The following AP3B2 variants were observed in gnomAD, a reference collection of about 807,000 sequenced individuals.
AP3B2 encodes AP-3 complex subunit beta-2.
In AP3B2, 50 loss-of-function variants were observed where a neutral mutation model predicts 126.9. The ratio of observed to expected loss-of-function variants is 0.39; its 90% confidence interval spans 0.31 to 0.50. The LOEUF (loss-of-function observed/expected upper bound fraction) is 0.50, where lower values mean the gene tolerates loss of function less well. Among genes scored for constraint, AP3B2 ranks in the 20% least tolerant of loss-of-function variants. The pLI is 0.79. For missense variants in AP3B2, 1,177 were observed against 1,426.4 expected, an observed-to-expected ratio of 0.83 and a Z score of 2.82; for synonymous variants, 541 against 565.0, an observed-to-expected ratio of 0.96 and a Z score of 0.60.
rs1286076329 is a variant in AP3B2, at chr15:82,709,729, C to T, written c.-23G>A. 10 of 1,453,428 alleles carry T rather than the reference C, an allele frequency of 6.9e-6. No homozygotes were observed. The highest frequency in any genetic ancestry group is 1.3e-5 in the South Asian group (1 of 76,936). 90.0% of individuals were successfully genotyped at this position (1,453,428 alleles called of 1,614,324 possible). A position where few individuals can be genotyped will look rare whatever the true frequency, so the allele number is the denominator to read the frequency against. On this transcript the variant is annotated 5_prime_UTR_variant, in exon 1 of 27. Coordinates refer to ENST00000535359, the MANE Select transcript of AP3B2 (RefSeq NM_001278512.2). The stretch of plus-strand genomic sequence containing the variant: ...CATGGGGCGGCCAGGGAGACTTCGC[C>T]GAGGAGGAGGTTGCGGGGCCGGAGG...
chr15:82,663,127 C>T lies in AP3B2; in HGVS notation c.2604G>A (p.Ser868=), dbSNP rs150157675. ...LTLTDSTLVP[S]LLSPVSGVGR... ...CGGTCCCCTCCTCCATCCCACTCAC[C>T]GACGGTACCAGGGTGGAGTCTGTGA... is the stretch of plus-strand genomic sequence containing the variant. The change falls in exon 22 of 27, where the codon TCG becomes TCA. Residue 868 remains serine (S), a splice_region_variant and synonymous_variant. Coordinates refer to ENST00000535359, the MANE Select transcript of AP3B2 (RefSeq NM_001278512.2). 1.2e-5 allele frequency: 20 copies of T among 1,607,832 alleles called. No individual in the cohort carries two copies. Among genetic ancestry groups the T allele is most frequent in the African/African-American group, 2.7e-5 (2 of 74,890 alleles).
intron 1 of AP3B2, among the ~76,000 whole-genome samples, chr15:82,694,449 A>T (rs1458668416): frequency 6.6e-6 from 1 of 151,850 alleles, no homozygotes; most frequent in East Asian, 1.9e-4. Flanking sequence ...ACTTTGGGAG[A>T]CTGAGGCAGA....
intron 1 of AP3B2, chr15:82,692,126 G>A: frequency 1.3e-6 from 2 of 1,495,902 alleles, no homozygotes; most frequent in Non-Finnish European, 1.8e-6. Flanking sequence ...AAGTCCTGGA[G>A]AACTCCACAC....
rs768849982 is a variant in AP3B2 at position 82,681,421 on chromosome 15, T to C, written c.520A>G (p.Ser174Gly). The change falls in exon 5 of 27, where the codon AGT becomes GGT. Residue 174 changes from serine to glycine, a missense_variant and splice_region_variant. Ser to Gly is a moderately conservative substitution (Grantham distance 56). This residue lies in a region of AP3B2 where 130 missense variants were observed against 262.0 expected (regional missense o/e 0.50). Coordinates refer to ENST00000535359, the MANE Select transcript of AP3B2 (RefSeq NM_001278512.2). This position sits in a 1 kb window ranked among gnomAD's most constrained non-coding sequence, Gnocchi z 4.0. Reference sequence around the variant, plus strand: ...GCGTGGGACAGGGCTGGGGCATACCTGTAGAGTTTAGGGATGGCGTGGGCA... The same window carrying C: ...GCGTGGGACAGGGCTGGGGCATACCCGTAGAGTTTAGGGATGGCGTGGGCA... ...TAAHAIPKLY[S>G]LDSDQKDQLI... 6.2e-7 allele frequency: 1 copy of C among 1,613,674 alleles called. No homozygotes were observed. Among genetic ancestry groups the C allele is most frequent in the Non-Finnish European group, 8.5e-7 (1 of 1,179,734 alleles).
intron 14 of AP3B2, among the ~76,000 whole-genome samples, chr15:82,673,110 T>C (rs991090005): frequency 2.0e-5 from 3 of 152,242 alleles, no homozygotes; most frequent in Non-Finnish European, 4.4e-5. Flanking sequence ...AATAAACGTG[T>C]GTTGTTTGAA....
In AP3B2 at chr15:82,709,868, G is replaced by A; in HGVS notation, c.-162C>T. Reference sequence around the variant, plus strand: ...TGTGCAGCGGCGGAGGCTGCGCGCGGATTTCTCAATCAGGGCCGCGCGCTG... The same window carrying A: ...TGTGCAGCGGCGGAGGCTGCGCGCGAATTTCTCAATCAGGGCCGCGCGCTG... On this transcript the variant is annotated 5_prime_UTR_variant, in exon 1 of 27. Transcript: ENST00000535359. The A allele has an allele frequency of 3.9e-6, 2 of 506,488 alleles. No individual in the cohort carries two copies. The highest frequency in any genetic ancestry group is 7.2e-5 in the East Asian group (2 of 27,802). The allele number at this position is 506,488 out of a possible 1,614,324, so 31.4% of individuals were successfully genotyped here.
At position 82,659,839 on chromosome 15, in the gene AP3B2, T is replaced by C; in HGVS notation, c.3155+6A>G. The stretch of plus-strand genomic sequence containing the variant: ...CATCATTTCCCCTCTACTGGTGGCC[T>C]AGTACCTGTACTCATCAGATGTCCC... On this transcript the variant is annotated splice_donor_region_variant and intron_variant, in intron 26 of 26. Transcript: ENST00000535359. The C allele has an allele frequency of 6.2e-7, 1 of 1,613,860 alleles. No individual in the cohort carries two copies. The highest frequency in any genetic ancestry group is 1.1e-5 in the South Asian group (1 of 91,080).
intron 13 of AP3B2, 30 bp downstream of exon 13, chr15:82,677,244 T>A (rs1222930171): frequency 6.5e-7 from 1 of 1,531,380 alleles, no homozygotes; most frequent in East Asian, 2.3e-5. Context: ...GACCTTGAAG[T>A]GGGGAGTGAA....
In AP3B2 at chr15:82,681,192, C is replaced by A; in HGVS notation, c.522-14G>T. The stretch of plus-strand genomic sequence containing the variant: ...TCAGAGTCCAAACTGAGGGAGAAAT[C>A]GGTGAGGGGAATTTGCCACTCTCAG... On this transcript the variant is annotated splice_polypyrimidine_tract_variant and intron_variant, in intron 5 of 26. Transcript: ENST00000535359. The surrounding 1 kb of genome is among the most constrained non-coding windows in gnomAD (Gnocchi z 4.0). 11 of 1,607,020 alleles carry A rather than the reference C, an allele frequency of 6.8e-6. No individual in the cohort carries two copies. The highest frequency in any genetic ancestry group is 9.3e-6 in the Non-Finnish European group (11 of 1,176,790).
chr15:82,664,485 C>G lies in AP3B2; in HGVS notation c.2143G>C (p.Glu715Gln). 1 of 1,613,198 alleles carries G rather than the reference C, an allele frequency of 6.2e-7. No homozygotes were observed. Among genetic ancestry groups the G allele is most frequent in the Non-Finnish European group, 8.5e-7 (1 of 1,179,564 alleles). Residue 715 changes from glutamate to glutamine, a missense_variant, in exon 19 of 27, where the codon GAG becomes CAG. Physicochemically the swap from Glu to Gln is conservative, Grantham distance 29. Around this residue, in one of 5 missense-constraint regions of AP3B2, gnomAD observed 587 missense variants for 571.3 expected, o/e 1.03. Coordinates refer to ENST00000535359, the MANE Select transcript of AP3B2 (RefSeq NM_001278512.2). The surrounding 1 kb of genome is among the most constrained non-coding windows in gnomAD (Gnocchi z 4.5). ...TTACTGTCCGATTCACTCTCAGACTCAGGGTCTGTGGAGGAACAATATGAG... is the reference window on the plus strand; with the variant it reads ...TTACTGTCCGATTCACTCTCAGACTGAGGGTCTGTGGAGGAACAATATGAG... ...GPTESADSDP[E>Q]SESESDSKSS...
chr15:82,670,649 GA>G (rs1457074067), intron 14 of AP3B2, among the ~76,000 whole-genome samples: 1 of 152,186 alleles, frequency 6.6e-6, no homozygotes, highest in Non-Finnish European at 1.5e-5. Context: ...ACTGGGCAAA[GA>G]TTTCTTGAGT....
chr15:82,681,117 T>C lies in AP3B2; in HGVS notation c.583A>G (p.Thr195Ala), dbSNP rs1235430462. 1.9e-6 allele frequency: 3 copies of C among 1,613,474 alleles called. No individual in the cohort carries two copies. The highest frequency in any genetic ancestry group is 2.2e-5 in the South Asian group (2 of 91,008). The change falls in exon 6 of 27, where the codon ACC becomes GCC. Residue 195 changes from threonine to alanine, a missense_variant. This residue lies in a region of AP3B2 where 130 missense variants were observed against 262.0 expected (regional missense o/e 0.50). Coordinates refer to ENST00000535359, the MANE Select transcript of AP3B2 (RefSeq NM_001278512.2). The surrounding 1 kb of genome is among the most constrained non-coding windows in gnomAD (Gnocchi z 4.0). Reference sequence around the variant, plus strand: ...GAGCGCCCCTATACACGCACCGTGGTCTTGTCAGCCAGAAGCTTCTCAATG... The same window carrying C: ...GAGCGCCCCTATACACGCACCGTGGCCTTGTCAGCCAGAAGCTTCTCAATG... ...EVIEKLLADK[T>A]TLVAGSVVMA...
intron 14 of AP3B2, among the ~76,000 whole-genome samples, chr15:82,670,096 G>T: frequency 1.2e-5 from 1 of 84,562 alleles, no homozygotes; most frequent in African/African-American, 4.1e-5. Flanking sequence ...AAAAAAATCA[G>T]TGGCTTTTTT....
chr15:82,683,047 G>GTTTTTTTTTTTTTTTTTT (rs61213011), intron 4 of AP3B2, among the ~76,000 whole-genome samples: 7 of 77,726 alleles, frequency 9.0e-5, no homozygotes, highest in Admixed American at 1.8e-4. Context: ...TGCACCAGGA[G>GTTTTTTTTTTTTTTTTTT]TTTTTTTTTT....
chr15:82,686,523 CAA>C (rs1488402897), intron 4 of AP3B2: 1 of 152,152 alleles, frequency 6.6e-6, no homozygotes, highest in African/African-American at 2.4e-5. Context: ...GAATGATAAA[CAA>C]GAGAAGATAT....
At chr15:82,667,447 G>T (rs2048079212) in intron 14 of AP3B2, among the ~76,000 whole-genome samples, 1 of 152,252 alleles carries the variant, frequency 6.6e-6, no homozygotes, top group Admixed American at 6.5e-5. Context: ...GAGCAGCCCA[G>T]GGGTCTCAGA....
chr15:82,663,915 T>G lies in AP3B2; in HGVS notation c.2322A>C (p.Gly774=). The G allele has an allele frequency of 6.2e-7, 1 of 1,612,200 alleles. No individual in the cohort carries two copies. The highest frequency in any genetic ancestry group is 8.5e-7 in the Non-Finnish European group (1 of 1,179,838). ...KTKKKVPERK[G]EASSSDEGSD... is the part of the protein sequence containing the mutation. Reference sequence around the variant, plus strand: ...TGCCCTCATCAGAGGATGACGCTTCTCCTTTTCTCTCTGGCACCTTCTTCT... The same window carrying G: ...TGCCCTCATCAGAGGATGACGCTTCGCCTTTTCTCTCTGGCACCTTCTTCT... The change falls in exon 20 of 27, where the codon GGA becomes GGC. Residue 774 remains glycine, a synonymous_variant. Coordinates refer to ENST00000535359, the MANE Select transcript of AP3B2 (RefSeq NM_001278512.2).
Position 82,665,306 on chromosome 15 carries a change from G to C in AP3B2, c.1972-3C>G. The stretch of plus-strand genomic sequence containing the variant: ...TCAATAAGGGAGAGATCTTCTTCCT[G>C]TGTGTGTGGGGGAGGGTGTTAGGAG... On this transcript the variant is annotated splice_polypyrimidine_tract_variant and splice_region_variant and intron_variant, in intron 16 of 26. Coordinates refer to ENST00000535359, the MANE Select transcript of AP3B2 (RefSeq NM_001278512.2). The surrounding 1 kb of genome is among the most constrained non-coding windows in gnomAD (Gnocchi z 4.4). 4 of 1,569,160 alleles carry C rather than the reference G, an allele frequency of 2.5e-6. No individual in the cohort carries two copies. The highest frequency in any genetic ancestry group is 3.4e-6 in the Non-Finnish European group (4 of 1,165,008).
intron 4 of AP3B2, among the ~76,000 whole-genome samples, chr15:82,684,787 C>G (rs989711909): frequency 1.3e-5 from 2 of 152,214 alleles, no homozygotes; most frequent in African/African-American, 4.8e-5. Flanking sequence ...CCACCACGCC[C>G]AGCCTGGAGT....
Sources: gnomAD v4.1 joint callset for allele counts (sites outside exome capture counted in the v4.1 genomes callset) on GRCh38, gnomAD v4.1.1 for gene constraint, gnomAD v4.1.1 regional missense constraint, Gnocchi (gnomAD v3.1) non-coding constraint, MANE v1.5 for transcripts, NCBI Gene and HGNC (gene_info 2026-07-23, HGNC 2026-07-21) for gene names.